Variants in USP33 observed in about 807,000 individuals in gnomAD.
USP33 encodes the protein ubiquitin specific peptidase 33.
Under a neutral mutation model 124.2 loss-of-function variants are expected in USP33, and 46 were observed. The ratio of observed to expected loss-of-function variants is 0.37; its 90% confidence interval spans 0.29 to 0.47. The LOEUF is 0.47. Ranked by LOEUF, USP33 falls within the 20% of genes least tolerant of loss-of-function variation. The pLI, the probability that USP33 is intolerant of heterozygous loss-of-function variation, is 0.99. For synonymous variants in USP33, 350 were observed against 352.3 expected, an observed-to-expected ratio of 0.99 and a Z score of 0.07; for missense variants, 851 against 1,070.6, an observed-to-expected ratio of 0.79 and a Z score of 2.86.
chr1:77,700,377 G>C (rs1012851172), intron 22 of USP33, among the ~76,000 whole-genome samples: 5 of 152,140 alleles, frequency 3.3e-5, no homozygotes, highest in African/African-American at 1.2e-4. Context: ...GGCCAAGGTT[G>C]GTGCACTGCT....
In USP33 at chr1:77,734,478, G is replaced by A. The variant is rs564094184; in HGVS notation, c.455-62C>T. 2.4e-4 allele frequency: 245 copies of A among 1,036,508 alleles called. 1 individual carries two copies. In the African/African-American group the frequency reaches 3.3e-3, roughly 14 times the overall value. 64.2% of individuals were successfully genotyped at this position (1,036,508 alleles called of 1,614,324 possible). On this transcript the variant is annotated intron_variant, in intron 6 of 23. Coordinates refer to ENST00000370794, the MANE Select transcript of USP33 (RefSeq NM_201624.3). The stretch of plus-strand genomic sequence containing the variant: ...TAATGCAAAATGACTCAATTTTAGG[G>A]GTCATTAATATGGTTCCCAAATTAC...
chr1:77,727,544 T>C (rs1241622278), intron 10 of USP33, among the ~76,000 whole-genome samples: 7 of 152,230 alleles, frequency 4.6e-5, no homozygotes, highest in South Asian at 2.1e-4. Flanking sequence ...AGTCTTCCTA[T>C]AGTTAATAAT....
intron 19 of USP33, among the ~76,000 whole-genome samples, chr1:77,713,677 A>G (rs1275209107): frequency 6.7e-6 from 1 of 150,096 alleles, no homozygotes; most frequent in Non-Finnish European, 1.5e-5. Context: ...GCTTAGAGGC[A>G]TGAGCCATTG....
At chr1:77,720,666 T>A (rs1676469133) in intron 15 of USP33, 1 of 952,692 alleles carries the variant, frequency 1.0e-6, no homozygotes, top group Non-Finnish European at 1.2e-6. Context: ...TCCAACACTT[T>A]TTTCTGACTT....
chr1:77,722,986 T>C (rs1249185897), intron 12 of USP33, among the ~76,000 whole-genome samples: 1 of 152,240 alleles, frequency 6.6e-6, no homozygotes, highest in African/African-American at 2.4e-5. Context: ...TACCTGTGAA[T>C]ATCAACAGAT....
chr1:77,747,237 G>C (rs1370098632), intron 1 of USP33, among the ~76,000 whole-genome samples: 1 of 146,322 alleles, frequency 6.8e-6, no homozygotes, highest in Non-Finnish European at 1.5e-5. Flanking sequence ...CTGGGCTTCT[G>C]GGCTTTTTTT....
At chr1:77,719,398 C>G (rs920053878) in intron 15 of USP33, among the ~76,000 whole-genome samples, 7 of 152,040 alleles carry the variant, frequency 4.6e-5, no homozygotes, top group African/African-American at 1.7e-4. Flanking sequence ...TATCGGTAAT[C>G]AAAAATTTAG....
At chr1:77,756,588 T>C (rs557535178) in intron 1 of USP33, among the ~76,000 whole-genome samples, 11 of 152,320 alleles carry the variant, frequency 7.2e-5, no homozygotes, top group African/African-American at 2.6e-4. Flanking sequence ...TCTTTATCAG[T>C]GAGGATTGAC....
At chr1:77,734,614 A>C (rs968776649) in intron 6 of USP33, among the ~76,000 whole-genome samples, 198 bp from the exon 7 acceptor site, 3 of 152,234 alleles carry the variant, frequency 2.0e-5, no homozygotes, top group Admixed American at 2.0e-4. Flanking sequence ...TCAAGGATTA[A>C]ACAGTTCAAA....
intron 15 of USP33, 60 bp downstream of exon 15, chr1:77,721,112 A>T: frequency 1.2e-6 from 2 of 1,601,442 alleles, no homozygotes; most frequent in South Asian, 2.2e-5. Flanking sequence ...CACATACCCA[A>T]TTCTAAAAAC....
intron 1 of USP33, among the ~76,000 whole-genome samples, chr1:77,752,649 T>C (rs1389690646): frequency 6.6e-6 from 1 of 152,206 alleles, no homozygotes; most frequent in Non-Finnish European, 1.5e-5. Context: ...GCAGGAGGTC[T>C]TCACTAGCAG....
At chr1:77,751,967 C>T (rs1035951448) in intron 1 of USP33, among the ~76,000 whole-genome samples, 7 of 150,718 alleles carry the variant, frequency 4.6e-5, no homozygotes, top group Non-Finnish European at 7.4e-5. Context: ...GGATTACAGG[C>T]TTGAGCCACC....
chr1:77,706,489 G>A (rs1674645753), intron 21 of USP33, among the ~76,000 whole-genome samples: 1 of 152,142 alleles, frequency 6.6e-6, no homozygotes, highest in Non-Finnish European at 1.5e-5. Flanking sequence ...CTGGATTTAG[G>A]TCTACCTTCC....
chr1:77,725,051 A>T lies in USP33; in HGVS notation c.1276+571T>A, dbSNP rs146066415. Among the ~76,000 whole-genome samples, 39 of 152,076 alleles carry T rather than the reference A, an allele frequency of 2.6e-4. No individual in the cohort carries two copies. In the East Asian group the frequency reaches 5.8e-3, roughly 23 times the overall value. ...TGAGACTCCATCTCAAAACAAAACA[A>T]AAAAAAAGAAACATTACTTGGTAGT... On this transcript the variant is annotated intron_variant, in intron 11 of 23. Coordinates refer to ENST00000370794, the MANE Select transcript of USP33 (RefSeq NM_201624.3).
chr1:77,701,239 C>A, intron 22 of USP33, 130 bp downstream of exon 22: 1 of 615,496 alleles, frequency 1.6e-6, no homozygotes, highest in Non-Finnish European at 2.8e-6. Context: ...ACGTAAGATC[C>A]CTGAGGACAG....
intron 1 of USP33, among the ~76,000 whole-genome samples, chr1:77,744,150 A>T (rs1679475342): frequency 6.6e-6 from 1 of 151,868 alleles, no homozygotes; most frequent in Non-Finnish European, 1.5e-5. Flanking sequence ...TTCAAAAAGA[A>T]GTCTTAGAAG....
At position 77,701,491 on chromosome 1, in the gene USP33, C is replaced by A; in HGVS notation, c.2407-20G>T. ...GTTAAGCTACAAGGGGGAAAAAAAACAGTCATCTAATATCTAAAACTTGCT... is the reference window on the plus strand; with the variant it reads ...GTTAAGCTACAAGGGGGAAAAAAAAAAGTCATCTAATATCTAAAACTTGCT... On this transcript the variant is annotated intron_variant, in intron 21 of 23. Transcript: ENST00000370794. The A allele has an allele frequency of 1.3e-6, 2 of 1,578,568 alleles. No individual in the cohort carries two copies. The highest frequency in any genetic ancestry group is 1.7e-6 in the Non-Finnish European group (2 of 1,153,934).
chr1:77,704,938 G>GT lies in USP33; in HGVS notation c.2407-3468dup, dbSNP rs147794649. Among the ~76,000 whole-genome samples the GT allele has an allele frequency of 5.8e-3, 887 of 152,224 alleles. 9 individuals carry two copies. Among genetic ancestry groups the GT allele is most frequent in the Middle Eastern group, 0.024 (7 of 294 alleles). On this transcript the variant is annotated intron_variant, in intron 21 of 23. Coordinates refer to ENST00000370794, the MANE Select transcript of USP33 (RefSeq NM_201624.3). ...AGGCAGAATGCTAAGGTCATCATCC[G>GT]TATCTGTCACTTCCAAAATTAAAGC...
chr1:77,720,315 C>T, intron 15 of USP33: 1 of 984,742 alleles, frequency 1.0e-6, no homozygotes, highest in African/African-American at 1.7e-5. Context: ...TCTTTTCCAT[C>T]TTCACTGTTA....
Sources: allele counts gnomAD v4.1 joint callset (sites outside exome capture counted in the v4.1 genomes callset), GRCh38; gene constraint gnomAD v4.1.1; transcripts MANE v1.5; gene names NCBI Gene and HGNC (gene_info 2026-07-23, HGNC 2026-07-21).